Variants in ZNF490 observed in about 807,000 individuals in gnomAD.
ZNF490 encodes the protein zinc finger protein 490.
In ZNF490, 11 loss-of-function variants were observed where a neutral mutation model predicts 17.7. The ratio of observed to expected loss-of-function variants is 0.62; its 90% CI spans 0.39 to 1.03. The LOEUF is 1.03. ZNF490 is among the 50% of genes least tolerant of loss of function. The pLI is 0.00. For missense variants in ZNF490, 542 were observed against 643.4 expected (o/e 0.84, Z 1.71); for synonymous variants, 222 against 216.1 (o/e 1.03, Z -0.24).
At chr19:12,602,771 C>T (rs544857269) in intron 2 of ZNF490, among the ~76,000 whole-genome samples, 9 of 151,682 alleles carry the variant, frequency 5.9e-5, no homozygotes, top group East Asian at 1.9e-4. Flanking sequence ...CCTACAGGTG[C>T]GCACCACCAC....
chr19:12,579,755 GATCACACCACT>G lies in ZNF490; in HGVS notation c.*719_*729del, dbSNP rs2022699464. The G allele has an allele frequency of 6.6e-6, 1 of 152,354 alleles. No individual in the cohort carries two copies. The highest frequency in any genetic ancestry group is 2.4e-5 in the African/African-American group (1 of 41,408). 9.4% of individuals were successfully genotyped at this position (152,354 alleles called of 1,614,324 possible). ...GAACCCAGAGGTTACAGTGAGCCAG[GATCACACCACT>G]GCACTCCAGCCTGGGGCAACAGAGT... On this transcript the variant is annotated 3_prime_UTR_variant, in exon 5 of 5. Transcript: ENST00000311437.
At chr19:12,593,438 C>T (rs1176651950) in intron 2 of ZNF490, among the ~76,000 whole-genome samples, 4 of 151,886 alleles carry the variant, frequency 2.6e-5, no homozygotes, top group Admixed American at 6.6e-5. Flanking sequence ...TTAGTAGAGA[C>T]GGGGTTTCTC....
intron 2 of ZNF490, among the ~76,000 whole-genome samples, chr19:12,608,766 C>T (rs2023103765): frequency 6.6e-6 from 1 of 152,148 alleles, no homozygotes; most frequent in South Asian, 2.1e-4. Flanking sequence ...TGAGCTACTA[C>T]ACCCAGCCAT....
At chr19:12,590,161 CG>C (rs1303919546) in intron 2 of ZNF490, among the ~76,000 whole-genome samples, 1 of 151,682 alleles carries the variant, frequency 6.6e-6, no homozygotes, top group African/African-American at 2.4e-5. Flanking sequence ...GTGATACGCC[CG>C]TCTCAGCCTC....
chr19:12,589,486 G>C (rs1182714429), intron 2 of ZNF490, among the ~76,000 whole-genome samples: 1 of 151,678 alleles, frequency 6.6e-6, no homozygotes, highest in African/African-American at 2.4e-5. Context: ...ATGACGAAAG[G>C]GGGAAAATGA....
rs2022692338 is a variant in ZNF490, at chr19:12,579,403, T to C, written c.*1082A>G. 1 of 145,746 alleles carries C rather than the reference T, an allele frequency of 6.9e-6. No homozygotes were observed. Among genetic ancestry groups the C allele is most frequent in the African/African-American group, 2.6e-5 (1 of 38,998 alleles). The allele number at this position is 145,746 out of a possible 1,614,324, so 9.0% of individuals were successfully genotyped here. ...CCGTCTCTACTAAAAATATAAAAAT[T>C]AGTTGGGCGTGGTGGCATGTGCCTG... On this transcript the variant is annotated 3_prime_UTR_variant, in exon 5 of 5. Coordinates refer to ENST00000311437, the MANE Select transcript of ZNF490 (RefSeq NM_020714.3).
chr19:12,589,662 A>C lies in ZNF490; in HGVS notation c.163-6106T>G, dbSNP rs760943311. 6.6e-5 allele frequency among the ~76,000 whole-genome samples: 10 copies of C among 150,598 alleles called. 1 individual carries two copies. Among genetic ancestry groups the C allele is most frequent in the Non-Finnish European group, 1.3e-4 (9 of 67,732 alleles). ...GGCGCCGTCATAGTGCTATAGCCTC[A>C]AACTGGTGGGCTCCAGCAATCTTCT... On this transcript the variant is annotated intron_variant, in intron 2 of 4. Coordinates refer to ENST00000311437, the MANE Select transcript of ZNF490 (RefSeq NM_020714.3).
At chr19:12,583,809 A>ATTTTTTTTT (rs2022778086) in intron 2 of ZNF490, among the ~76,000 whole-genome samples, 21 of 105,102 alleles carry the variant, frequency 2.0e-4, no homozygotes, top group African/African-American at 8.5e-4. Context: ...ATATATATAT[A>ATTTTTTTTT]TATTTTTTTT....
chr19:12,579,143 C>G lies in ZNF490; in HGVS notation c.*1342G>C, dbSNP rs1021149079. On this transcript the variant is annotated 3_prime_UTR_variant, in exon 5 of 5. Transcript: ENST00000311437. ...TGGCGGGCGCCTGTAGTCCCAGCTACTCGGGAGGCTGAGGCAGGAGAATGG... is the reference window on the plus strand; with the variant it reads ...TGGCGGGCGCCTGTAGTCCCAGCTAGTCGGGAGGCTGAGGCAGGAGAATGG... The G allele has an allele frequency of 1.3e-5, 2 of 158,038 alleles. No individual in the cohort carries two copies. Among genetic ancestry groups the G allele is most frequent in the African/African-American group, 4.9e-5 (2 of 41,176 alleles). 9.8% of individuals were successfully genotyped at this position (158,038 alleles called of 1,614,324 possible).
rs12104314 is a variant in ZNF490, at chr19:12,610,437, G to C, written c.117+127C>G. On this transcript the variant is annotated intron_variant, in intron 1 of 4. Coordinates refer to ENST00000311437, the MANE Select transcript of ZNF490 (RefSeq NM_020714.3). Reference sequence around the variant, plus strand: ...GGAAAAGAAAGGTGGACGCCTCAACGCTGTTATGGTCAAAGATTAAAATGC... The same window carrying C: ...GGAAAAGAAAGGTGGACGCCTCAACCCTGTTATGGTCAAAGATTAAAATGC... 1.7e-3 allele frequency: 1,422 copies of C among 814,636 alleles called. 13 individuals are homozygous for C. The African/African-American group carries it at 0.022, about 12-fold the overall frequency. The allele number at this position is 814,636 out of a possible 1,614,324, so 50.5% of individuals were successfully genotyped here.
chr19:12,587,648 A>G lies in ZNF490; in HGVS notation c.163-4092T>C. Among the ~76,000 whole-genome samples, 2 of 92,924 alleles carry G rather than the reference A, an allele frequency of 2.2e-5. 1 individual carries two copies. Among genetic ancestry groups the G allele is most frequent in the Non-Finnish European group, 5.7e-5 (2 of 34,788 alleles). 61.0% of individuals were successfully genotyped at this position (92,924 alleles called of 152,430 possible). A position where few individuals can be genotyped will look rare whatever the true frequency, so the allele number is the denominator to read the frequency against. ...TAATAAATAAATATATCACAAAGAT[A>G]TATTAAAAATAAAGGAATAGAGAAA... On this transcript the variant is annotated intron_variant, in intron 2 of 4. Coordinates refer to ENST00000311437, the MANE Select transcript of ZNF490 (RefSeq NM_020714.3).
chr19:12,589,373 G>A (rs943698559), intron 2 of ZNF490, among the ~76,000 whole-genome samples: 2 of 151,586 alleles, frequency 1.3e-5, no homozygotes, highest in Admixed American at 6.6e-5. Flanking sequence ...AATAGATAGA[G>A]AAAAACCAAC....
In ZNF490 at chr19:12,583,872, A is replaced by G. The variant is rs1390832750; in HGVS notation, c.163-316T>C. Among the ~76,000 whole-genome samples, 50 of 142,354 alleles carry G rather than the reference A, an allele frequency of 3.5e-4. 2 individuals carry two copies. The South Asian group carries it at 0.01, about 29-fold the overall frequency. The allele number at this position is 142,354 out of a possible 152,430, so 93.4% of individuals were successfully genotyped here. A position where few individuals can be genotyped will look rare whatever the true frequency, so the allele number is the denominator to read the frequency against. ...GTCGCCCAGGCTGGAGTGCAGTGGCACAATGTCGGCTCACTGAAAGCTCCG... is the reference window on the plus strand; with the variant it reads ...GTCGCCCAGGCTGGAGTGCAGTGGCGCAATGTCGGCTCACTGAAAGCTCCG... On this transcript the variant is annotated intron_variant, in intron 2 of 4. Transcript: ENST00000311437.
chr19:12,609,626 T>G (rs2023118658), intron 1 of ZNF490, among the ~76,000 whole-genome samples: 1 of 152,210 alleles, frequency 6.6e-6, no homozygotes, highest in Non-Finnish European at 1.5e-5. Context: ...CTTTCCAAGT[T>G]CTGTAGGGAC....
intron 2 of ZNF490, among the ~76,000 whole-genome samples, chr19:12,608,457 GTATT>G (rs147000880): frequency 4.0e-5 from 6 of 149,548 alleles, no homozygotes; most frequent in African/African-American, 9.9e-5. Flanking sequence ...ATTTATTTAT[GTATT>G]TATTTATTTA....
At position 12,583,537 on chromosome 19, in the gene ZNF490, T is replaced by A; in HGVS notation, c.182A>T (p.Asp61Val). ...CTCCAGGGTGAAGTTCACAGCCACA[T>A]CCTCAAGGGAGATGGAGTCCTAAAA... ...KTQTDSISLE[D>V]VAVNFTLEEW... Residue 61 changes from aspartate (D) to valine (V), a missense_variant, in exon 3 of 5, where the codon GAT becomes GTT. By Grantham distance (152) the Asp-to-Val change is radical. Coordinates refer to ENST00000311437, the MANE Select transcript of ZNF490 (RefSeq NM_020714.3). The A allele has an allele frequency of 6.2e-7, 1 of 1,601,580 alleles. No individual in the cohort carries two copies. Among genetic ancestry groups the A allele is most frequent in the Non-Finnish European group, 8.5e-7 (1 of 1,172,022 alleles).
chr19:12,608,082 T>C (rs1194253280), intron 2 of ZNF490, among the ~76,000 whole-genome samples: 1 of 152,170 alleles, frequency 6.6e-6, no homozygotes, highest in Non-Finnish European at 1.5e-5. Flanking sequence ...TCATTCCCCA[T>C]GAAATTCCTC....
intron 2 of ZNF490, among the ~76,000 whole-genome samples, chr19:12,602,079 TACACACACACACACACACACAC>T (rs61568541): frequency 2.9e-5 from 2 of 68,592 alleles, no homozygotes; most frequent in Non-Finnish European, 4.0e-5. Flanking sequence ...GTTCACTATA[TACACACACACACACACACACAC>T]ACACACACAC....
chr19:12,608,957 A>G lies in ZNF490; in HGVS notation c.162+201T>C, dbSNP rs572595477. 7.2e-5 allele frequency among the ~76,000 whole-genome samples: 11 copies of G among 152,232 alleles called. No homozygotes were observed. In the South Asian group the frequency reaches 2.3e-3, roughly 32 times the overall value. On this transcript the variant is annotated intron_variant, in intron 2 of 4. Coordinates refer to ENST00000311437, the MANE Select transcript of ZNF490 (RefSeq NM_020714.3). ...GCAGGTGGCTGTGTTGGGATGGCCA[A>G]TGAAGGTAAGGGACAATGGAAGTAC...
Sources: allele counts gnomAD v4.1 joint callset (sites outside exome capture counted in the v4.1 genomes callset), GRCh38; gene constraint gnomAD v4.1.1; transcripts MANE v1.5; gene names NCBI Gene and HGNC (gene_info 2026-07-23, HGNC 2026-07-21).